FAM13A: variants seen among roughly 807,000 people sequenced by gnomAD.
FAM13A encodes family with sequence similarity 13 member A, also known as protein FAM13A.
FAM13A carries 76 observed loss-of-function variants against 129.6 expected under a neutral mutation model. The observed-to-expected ratio is 0.59, with a 90% CI of 0.49 to 0.71. The LOEUF (loss-of-function observed/expected upper bound fraction) is 0.71, where lower values mean the gene tolerates loss of function less well. Among genes scored for constraint, FAM13A ranks in the 30% least tolerant of loss-of-function variants. The pLI, the probability that FAM13A is intolerant of heterozygous loss-of-function variation, is 0.00. For missense variants in FAM13A, 1,108 were observed against 1,249.3 expected, an observed-to-expected ratio of 0.89 and a Z score of 1.70; for synonymous variants, 443 against 449.9, an observed-to-expected ratio of 0.98 and a Z score of 0.20.
intron 21 of FAM13A, among the ~76,000 whole-genome samples, chr4:88,737,236 AAG>A (rs749668301): frequency 2.0e-5 from 3 of 152,214 alleles, no homozygotes; most frequent in Middle Eastern, 3.2e-3. Flanking sequence ...CAATACAAAA[AAG>A]AGGGGGGGAA....
rs1040357956 is a variant in FAM13A, at chr4:88,942,747, C to T, written c.606-4506G>A. Among the ~76,000 whole-genome samples, 28 of 152,154 alleles carry T rather than the reference C, an allele frequency of 1.8e-4. 1 individual carries two copies. Among genetic ancestry groups the T allele is most frequent in the African/African-American group, 6.7e-4 (28 of 41,496 alleles). ...TTCTTTCCTACCTTGCCTGAATATT[C>T]GTAGGCTACTAACTCTCCGAATTGC... On this transcript the variant is annotated intron_variant, in intron 4 of 23. Coordinates refer to ENST00000264344, the MANE Select transcript of FAM13A (RefSeq NM_014883.4).
chr4:88,932,147 T>G (rs564706203), intron 5 of FAM13A, among the ~76,000 whole-genome samples: 1 of 152,322 alleles, frequency 6.6e-6, no homozygotes, highest in East Asian at 1.9e-4. Context: ...CTCATGGCAC[T>G]GATGGCCTCA....
chr4:89,047,043 G>C (rs983564737), intron 1 of FAM13A, among the ~76,000 whole-genome samples: 5 of 152,178 alleles, frequency 3.3e-5, no homozygotes, highest in Non-Finnish European at 7.3e-5. Context: ...CTTCTTCATA[G>C]GTCATTCTCT....
chr4:89,028,344 G>A (rs1359031590), intron 2 of FAM13A, among the ~76,000 whole-genome samples: 3 of 151,992 alleles, frequency 2.0e-5, no homozygotes, highest in Admixed American at 6.6e-5. Context: ...GGGCGGGGGG[G>A]ATTACTGTAC....
At chr4:88,796,887 T>C (rs1726295416) in intron 8 of FAM13A, among the ~76,000 whole-genome samples, 1 of 152,136 alleles carries the variant, frequency 6.6e-6, no homozygotes, top group South Asian at 2.1e-4. Context: ...AATATAGGAA[T>C]CCTATGCACA....
In FAM13A at chr4:88,758,891, A is replaced by G. The variant is rs1744244259; in HGVS notation, c.1589T>C (p.Met530Thr). Reference protein sequence around the residue: ...GHTQHFESPTMKIQEHPSLSD... With the variant: ...GHTQHFESPTTKIQEHPSLSD... ...TAGGCTGGGATGCTCCTGGATCTTC[A>G]TTGTGGGGCTCTGCAATAACAGCAC... is the stretch of plus-strand genomic sequence containing the variant. Residue 530 changes from methionine (M) to threonine (T), a missense_variant, in exon 14 of 24, where the codon ATG becomes ACG. Coordinates refer to ENST00000264344, the MANE Select transcript of FAM13A (RefSeq NM_014883.4). The G allele has an allele frequency of 3.7e-6, 6 of 1,613,810 alleles. No homozygotes were observed. The highest frequency in any genetic ancestry group is 5.1e-6 in the Non-Finnish European group (6 of 1,179,822).
At chr4:88,913,815 C>G (rs1487945059) in intron 5 of FAM13A, among the ~76,000 whole-genome samples, 1 of 152,116 alleles carries the variant, frequency 6.6e-6, no homozygotes, top group Non-Finnish European at 1.5e-5. Flanking sequence ...ATTTGTGTCT[C>G]TGTCTCTGAT....
intron 7 of FAM13A, among the ~76,000 whole-genome samples, chr4:88,818,747 G>A (rs923750258): frequency 3.3e-5 from 5 of 152,188 alleles, no homozygotes; most frequent in Non-Finnish European, 7.3e-5. Context: ...TGTTTGTGGA[G>A]GGAGAGGGCA....
At chr4:88,865,951 A>G (rs958977637) in intron 6 of FAM13A, among the ~76,000 whole-genome samples, 3 of 131,336 alleles carry the variant, frequency 2.3e-5, no homozygotes, top group Non-Finnish European at 4.6e-5. Flanking sequence ...GTGCAGTGGC[A>G]CAGTCTGCCT....
chr4:88,752,126 C>G (rs1214314017), intron 14 of FAM13A, among the ~76,000 whole-genome samples: 1 of 152,190 alleles, frequency 6.6e-6, no homozygotes, highest in Non-Finnish European at 1.5e-5. Flanking sequence ...GCTCCTCATA[C>G]TATCCAAGTC....
Position 89,020,574 on chromosome 4 carries a change from C to T in FAM13A, c.313G>A (p.Gly105Arg), listed in dbSNP as rs200713682. 1.4e-5 allele frequency: 22 copies of T among 1,614,088 alleles called. No homozygotes were observed. Among genetic ancestry groups the T allele is most frequent in the African/African-American group, 8.0e-5 (6 of 75,018 alleles). The change falls in exon 3 of 24, where the codon GGG becomes AGG. Residue 105 changes from glycine (G) to arginine (R), a missense_variant. Physicochemically the swap from Gly to Arg is moderately radical, Grantham distance 125. Around this residue, in one of 3 missense-constraint regions of FAM13A, gnomAD observed 566 missense variants for 595.7 expected, o/e 0.95. Coordinates refer to ENST00000264344, the MANE Select transcript of FAM13A (RefSeq NM_014883.4). ...KFESGVPVEL[G>R]KDGDVCSAAS... ...GCTGAGCAGACATCACCGTCCTTCC[C>T]GAGCTCCACGGGCACTCCACTCTCG...
chr4:88,991,554 A>C (rs11097207), intron 3 of FAM13A, among the ~76,000 whole-genome samples: 105,353 of 151,744 alleles, frequency 0.69, 36,672 homozygotes, highest in Middle Eastern at 0.79. Context: ...TTAATGTTTT[A>C]ATCCCCAAAT....
intron 4 of FAM13A, among the ~76,000 whole-genome samples, chr4:88,946,067 T>G (rs1755793119): frequency 7.1e-6 from 1 of 140,978 alleles, no homozygotes; most frequent in Non-Finnish European, 1.5e-5. Context: ...CATGCCTGGA[T>G]AGAACTAGAC....
intron 5 of FAM13A, among the ~76,000 whole-genome samples, chr4:88,921,075 T>C (rs1481272274): frequency 6.6e-6 from 1 of 152,118 alleles, no homozygotes; most frequent in Non-Finnish European, 1.5e-5. Context: ...CTACGTCTGA[T>C]TGGTGTACCT....
At chr4:88,962,340 C>T (rs961773343) in intron 4 of FAM13A, among the ~76,000 whole-genome samples, 2 of 152,004 alleles carry the variant, frequency 1.3e-5, no homozygotes, top group African/African-American at 2.4e-5. Flanking sequence ...TTAGGAAATT[C>T]GGAACAAGCA....
At chr4:88,872,009 G>C (rs1277270733) in intron 6 of FAM13A, among the ~76,000 whole-genome samples, 2 of 152,146 alleles carry the variant, frequency 1.3e-5, no homozygotes, top group Non-Finnish European at 2.9e-5. Context: ...TTAACGAAAA[G>C]AATTTTCAAC....
intron 8 of FAM13A, among the ~76,000 whole-genome samples, chr4:88,804,178 G>A (rs748437974): frequency 1.3e-5 from 2 of 152,050 alleles, no homozygotes; most frequent in African/African-American, 4.8e-5. Flanking sequence ...GCTTAAACCC[G>A]GGAGGCGGAG....
At chr4:88,970,689 G>C (rs779021489) in intron 4 of FAM13A, among the ~76,000 whole-genome samples, 4 of 152,016 alleles carry the variant, frequency 2.6e-5, no homozygotes, top group Non-Finnish European at 5.9e-5. Flanking sequence ...AAATAACGTA[G>C]AGGTTAAAGA....
At chr4:88,942,800 T>C (rs1755004646) in intron 4 of FAM13A, among the ~76,000 whole-genome samples, 1 of 152,136 alleles carries the variant, frequency 6.6e-6, no homozygotes, top group Non-Finnish European at 1.5e-5. Flanking sequence ...AATAGTCTCC[T>C]TACAAGGTGA....
Sources: gnomAD v4.1 joint callset for allele counts (sites outside exome capture counted in the v4.1 genomes callset) on GRCh38, gnomAD v4.1.1 for gene constraint, gnomAD v4.1.1 regional missense constraint, MANE v1.5 for transcripts, NCBI Gene and HGNC (gene_info 2026-07-23, HGNC 2026-07-21) for gene names.